The following AIFM1 variants were observed in gnomAD, a reference collection of about 807,000 sequenced individuals.
The protein encoded by AIFM1 is apoptosis inducing factor mitochondria associated 1.
In AIFM1, 3 loss-of-function variants were observed where a neutral mutation model predicts 51.7. The ratio of observed to expected loss-of-function variants is 0.06; its 90% confidence interval spans 0.03 to 0.15. The LOEUF (loss-of-function observed/expected upper bound fraction) is 0.15. Ranked by LOEUF, AIFM1 falls within the 10% of genes least tolerant of loss-of-function variation. The pLI, the probability that AIFM1 is intolerant of heterozygous loss-of-function variation, is 1.00. For missense variants in AIFM1, 330 were observed against 476.8 expected (o/e 0.69, Z 2.87); for synonymous variants, 178 against 179.4 (o/e 0.99, Z 0.06).
intron 12 of AIFM1, among the ~76,000 whole-genome samples, chrX:130,135,439 T>TTTAAAA (rs33994471): frequency 8.2e-5 from 6 of 72,941 alleles, no homozygotes; most frequent in African/African-American, 3.0e-4. Context: ...TTTTTTTTTT[T>TTTAAAA]AAAAAAAAAA....
Position 130,131,783 on chromosome X carries a change from C to T in AIFM1, c.1465G>A (p.Asp489Asn), listed in dbSNP as rs748493176. Residue 489 changes from aspartate (D) to asparagine (N), a missense_variant, in exon 14 of 16, where the codon GAT becomes AAT. Around this residue, in one of 4 missense-constraint regions of AIFM1, gnomAD observed 152 missense variants for 292.8 expected, o/e 0.52. Transcript: ENST00000287295. ...QSMFWSDLGP[D>N]VGYEAIGLVD... The stretch of plus-strand genomic sequence containing the variant: ...AGACCAATAGCTTCATAGCCAACAT[C>T]GGGGCCCAAATCACTCCTAAGAAGA... The T allele has an allele frequency of 5.8e-6, 7 of 1,210,276 alleles. No homozygotes were observed. Among genetic ancestry groups the T allele is most frequent in the Admixed American group, 4.4e-5 (2 of 45,795 alleles).
chrX:130,160,435 G>A (rs1603231274), intron 1 of AIFM1, among the ~76,000 whole-genome samples: 2 of 112,056 alleles, frequency 1.8e-5, no homozygotes, highest in East Asian at 2.8e-4. Context: ...CTCACACTTA[G>A]GATTTCATTC....
chrX:130,136,245 G>GT (rs2030331443), intron 11 of AIFM1, 60 bp from the exon 12 acceptor site: 2 of 1,149,238 alleles, frequency 1.7e-6, no homozygotes, highest in African/African-American at 1.8e-5. Context: ...GCCTACAGGC[G>GT]TAACAATGGC....
At chrX:130,135,435 T>TC (rs1480358285) in intron 12 of AIFM1, among the ~76,000 whole-genome samples, 1 of 22,268 alleles carries the variant, frequency 4.5e-5, no homozygotes, top group African/African-American at 2.3e-4. Flanking sequence ...CATCTTTTTT[T>TC]TTTTAAAAAA....
At position 130,145,481 on chromosome X, in the gene AIFM1, T is replaced by C; in HGVS notation, c.694A>G (p.Lys232Glu). 1 of 1,206,228 alleles carries C rather than the reference T, an allele frequency of 8.3e-7. No individual in the cohort carries two copies. Among genetic ancestry groups the C allele is most frequent in the Non-Finnish European group, 1.1e-6 (1 of 890,509 alleles). Residue 232 changes from lysine to glutamate, a missense_variant and splice_region_variant, in exon 6 of 16, where the codon AAG (lysine) becomes GAG (glutamate). This residue lies in a region of AIFM1 where 152 missense variants were observed against 292.8 expected (regional missense o/e 0.52). Transcript: ENST00000287295. ...AAAGAAGCGGTCTACTAGCTCACCT[T>C]CTTCCCAGTGAGGACAGCCACACCA... ...NGGVAVLTGK[K>E]VVQLDVRDNM...
intron 2 of AIFM1, chrX:130,155,087 T>A: frequency 8.8e-7 from 1 of 1,141,643 alleles, no homozygotes; most frequent in South Asian, 1.8e-5. Context: ...TTCTAATGTA[T>A]CAAGTTTTCA....
intron 2 of AIFM1, among the ~76,000 whole-genome samples, chrX:130,154,274 T>C (rs778099822): frequency 8.9e-6 from 1 of 112,221 alleles, no homozygotes; most frequent in South Asian, 3.7e-4. Context: ...CCCTGTCTTG[T>C]AGCTTGGCAT....
Position 130,136,174 on chromosome X carries a change from G to T in AIFM1, c.1176C>A (p.Asp392Glu). 1 of 1,211,873 alleles carries T rather than the reference G, an allele frequency of 8.3e-7. No individual in the cohort carries two copies. The change falls in exon 12 of 16, where the codon GAC (aspartate) becomes GAA (glutamate). Residue 392 changes from aspartate (D) to glutamate (E), a missense_variant. By Grantham distance (45) the Asp-to-Glu change is conservative. Transcript: ENST00000287295. Reference sequence around the variant, plus strand: ...CCAGGCCCACAGCTGCCACTATGTGGTCAGTTTCTACCTGAGGCAAAAAAG... The same window carrying T: ...CCAGGCCCACAGCTGCCACTATGTGTTCAGTTTCTACCTGAGGCAAAAAAG... The part of the protein sequence containing the change: ...KLKDGRKVET[D>E]HIVAAVGLEP...
At chrX:130,138,942 A>G (rs1323907628) in intron 8 of AIFM1, among the ~76,000 whole-genome samples, 1 of 111,596 alleles carries the variant, frequency 9.0e-6, no homozygotes, top group Non-Finnish European at 1.9e-5. Context: ...GACATCTGGC[A>G]ATATCTGAAG....
rs761153183 is a variant in AIFM1, at chrX:130,165,706, G to C, written c.-50C>G. On this transcript the variant is annotated 5_prime_UTR_variant, in exon 1 of 16. Transcript: ENST00000287295. ...CCTCCTTCCCTTTCCTCTCACGCAC[G>C]ACCGACGGGTCAAACACCGTGAGCC... The C allele has an allele frequency of 9.5e-7, 1 of 1,049,605 alleles. No individual in the cohort carries two copies. Among genetic ancestry groups the C allele is most frequent in the African/African-American group, 1.8e-5 (1 of 54,294 alleles). The allele number at this position is 1,049,605 out of a possible 1,213,427, so 86.5% of individuals were successfully genotyped here. A position where few individuals can be genotyped will look rare whatever the true frequency, so the allele number is the denominator to read the frequency against.
intron 1 of AIFM1, among the ~76,000 whole-genome samples, chrX:130,163,755 A>G (rs1047426237): frequency 8.9e-6 from 1 of 112,308 alleles, no homozygotes; most frequent in Non-Finnish European, 1.9e-5. Context: ...TTGCAAATGC[A>G]TATTTAATTG....
intron 8 of AIFM1, among the ~76,000 whole-genome samples, chrX:130,139,053 C>A: frequency 9.0e-6 from 1 of 110,724 alleles, no homozygotes; most frequent in Admixed American, 9.7e-5. Flanking sequence ...GCCCCCACTA[C>A]AATTATCCAG....
chrX:130,134,696 T>A (rs949623712), intron 12 of AIFM1, among the ~76,000 whole-genome samples: 1 of 110,248 alleles, frequency 9.1e-6, no homozygotes, highest in African/African-American at 3.3e-5. Flanking sequence ...CAGCCGGGGG[T>A]GAACTGGACC....
intron 7 of AIFM1, among the ~76,000 whole-genome samples, chrX:130,140,254 A>G (rs2030527436): frequency 8.9e-6 from 1 of 112,231 alleles, no homozygotes; most frequent in African/African-American, 3.2e-5. Context: ...CACAAACGAC[A>G]TCACTTTCAA....
intron 12 of AIFM1, among the ~76,000 whole-genome samples, chrX:130,133,808 T>C (rs1376821197): frequency 9.2e-6 from 1 of 108,804 alleles, no homozygotes; most frequent in Non-Finnish European, 1.9e-5. Flanking sequence ...TTTTTTTTTT[T>C]TTTGGTAGAG....
rs1313521061 is a variant in AIFM1, at chrX:130,147,610, G to C, written c.488C>G (p.Ser163Cys). The change falls in exon 5 of 16, where the codon TCT becomes TGT. Residue 163 changes from serine to cysteine, a missense_variant. Physicochemically the swap from Ser to Cys is moderately radical, Grantham distance 112 (BLOSUM62 -1). This residue lies in a region of AIFM1 where 152 missense variants were observed against 292.8 expected (regional missense o/e 0.52). Transcript: ENST00000287295. Reference protein sequence around the residue: ...RDPGARVLIVSEDPELPYMRP... With the variant: ...RDPGARVLIVCEDPELPYMRP... ...CATGTACGGCAGCTCAGGATCTTCAGATACAATCAGTACCTTCAGACATAA... is the reference window on the plus strand; with the variant it reads ...CATGTACGGCAGCTCAGGATCTTCACATACAATCAGTACCTTCAGACATAA... The C allele has an allele frequency of 9.1e-6, 11 of 1,210,543 alleles. No individual in the cohort carries two copies. Among genetic ancestry groups the C allele is most frequent in the African/African-American group, 3.5e-5 (2 of 57,346 alleles).
chrX:130,136,056 T>C lies in AIFM1; in HGVS notation c.1294A>G (p.Asn432Asp). Residue 432 changes from asparagine (N) to aspartate (D), a missense_variant, in exon 12 of 16, where the codon AAC (asparagine) becomes GAC (aspartate). Coordinates refer to ENST00000287295, the MANE Select transcript of AIFM1 (RefSeq NM_004208.4). ...TGTAGCACACTTACCACCCAGATGTTAGAGCGTGCTTGTAGCTCTGCATTT... is the reference window on the plus strand; with the variant it reads ...TGTAGCACACTTACCACCCAGATGTCAGAGCGTGCTTGTAGCTCTGCATTT... ...RVNAELQARS[N>D]IWVAGDAACF... The C allele has an allele frequency of 8.3e-7, 1 of 1,211,687 alleles. No homozygotes were observed.
chrX:130,147,923 T>C (rs780522046), intron 3 of AIFM1, 47 bp from the exon 4 acceptor site: 4 of 1,207,489 alleles, frequency 3.3e-6, no homozygotes, highest in Non-Finnish European at 4.5e-6. Context: ...AAGTCTCAGA[T>C]GATTCTTTGC....
chrX:130,138,195 G>A (rs2030431730), intron 9 of AIFM1, among the ~76,000 whole-genome samples: 1 of 111,732 alleles, frequency 8.9e-6, no homozygotes, highest in African/African-American at 3.3e-5. Flanking sequence ...GCTGGGTGTG[G>A]TGGCTCACGC....
Sources: gnomAD v4.1 joint callset for allele counts (sites outside exome capture counted in the v4.1 genomes callset) on GRCh38, gnomAD v4.1.1 for gene constraint, gnomAD v4.1.1 regional missense constraint, MANE v1.5 for transcripts, NCBI Gene and HGNC (gene_info 2026-07-23, HGNC 2026-07-21) for gene names.